The following CAMTA1 variants were observed in gnomAD, a reference collection of about 807,000 sequenced individuals.
The protein encoded by CAMTA1 is calmodulin-binding transcription activator 1.
CAMTA1 carries 27 observed loss-of-function variants against 170.9 expected under a neutral mutation model. That is an observed-to-expected ratio of 0.16 (90% CI 0.12 to 0.22). The LOEUF (loss-of-function observed/expected upper bound fraction) is 0.22, where lower values mean the gene tolerates loss of function less well. Ranked by LOEUF, CAMTA1 falls within the 10% of genes least tolerant of loss-of-function variation. The probability of loss-of-function intolerance (pLI) is 1.00; values close to 1 mark genes in which losing one functional copy is unlikely to be tolerated. For missense variants in CAMTA1, 1,619 were observed against 2,217.2 expected (o/e 0.73, Z 5.42); for synonymous variants, 833 against 891.5 (o/e 0.93, Z 1.17).
At chr1:7,403,381 A>T (rs2090052881) in intron 5 of CAMTA1, among the ~76,000 whole-genome samples, 1 of 152,088 alleles carries the variant, frequency 6.6e-6, no homozygotes, top group East Asian at 1.9e-4. Flanking sequence ...ATTAATCCCC[A>T]AGCAGCTCAT....
At chr1:6,882,639 A>G (rs930210227) in intron 3 of CAMTA1, among the ~76,000 whole-genome samples, 1 of 152,158 alleles carries the variant, frequency 6.6e-6, no homozygotes, top group Non-Finnish European at 1.5e-5. Context: ...CTGTAAGATC[A>G]GGTGGAGATG....
intron 3 of CAMTA1, among the ~76,000 whole-genome samples, chr1:7,080,973 G>A (rs1298474573): frequency 6.6e-6 from 1 of 152,216 alleles, no homozygotes; most frequent in African/African-American, 2.4e-5. Flanking sequence ...ATAAGGACTA[G>A]AAGACCCTTC....
chr1:7,274,804 A>G (rs1670341746), intron 5 of CAMTA1, among the ~76,000 whole-genome samples: 1 of 152,212 alleles, frequency 6.6e-6, no homozygotes, highest in Non-Finnish European at 1.5e-5. Context: ...TGGAAATTAC[A>G]CAACATACTG....
intron 5 of CAMTA1, among the ~76,000 whole-genome samples, chr1:7,402,550 A>G (rs1293826510): frequency 6.6e-6 from 1 of 152,160 alleles, no homozygotes; most frequent in Non-Finnish European, 1.5e-5. Flanking sequence ...AGGGCCCATT[A>G]TATGCTGCAG....
intron 6 of CAMTA1, among the ~76,000 whole-genome samples, chr1:7,614,576 G>A (rs1194333764): frequency 6.6e-6 from 1 of 152,132 alleles, no homozygotes; most frequent in Non-Finnish European, 1.5e-5. Flanking sequence ...GCTCCCCAAA[G>A]CCACCACTTA....
chr1:7,422,376 C>T (rs1205130799), intron 5 of CAMTA1, among the ~76,000 whole-genome samples: 4 of 152,044 alleles, frequency 2.6e-5, no homozygotes, highest in Non-Finnish European at 4.4e-5. Flanking sequence ...ACCAGGGAAG[C>T]CACCCTGGAG....
chr1:7,751,469 G>A (rs905549953), intron 20 of CAMTA1, 77 bp downstream of exon 20: 1 of 1,327,720 alleles, frequency 7.5e-7, no homozygotes. Context: ...CTTGTCCTGG[G>A]CTGACATTGG....
At chr1:7,395,991 A>G (rs1442418766) in intron 5 of CAMTA1, among the ~76,000 whole-genome samples, 1 of 152,162 alleles carries the variant, frequency 6.6e-6, no homozygotes, top group Admixed American at 6.5e-5. Flanking sequence ...TTCTTTATAT[A>G]AGATCATGTC....
chr1:7,563,530 A>T (rs2094991202), intron 6 of CAMTA1, among the ~76,000 whole-genome samples: 1 of 152,184 alleles, frequency 6.6e-6, no homozygotes, highest in Non-Finnish European at 1.5e-5. Context: ...GAGTGGGCCC[A>T]GCTGTAGCAA....
intron 2 of CAMTA1, among the ~76,000 whole-genome samples, chr1:6,820,530 C>T (rs1004438509): frequency 3.3e-5 from 5 of 152,184 alleles, no homozygotes; most frequent in African/African-American, 1.2e-4. Context: ...TACAACACTT[C>T]TGTAATTCTA....
At chr1:7,524,313 C>T (rs888164612) in intron 6 of CAMTA1, among the ~76,000 whole-genome samples, 12 of 152,122 alleles carry the variant, frequency 7.9e-5, no homozygotes, top group Non-Finnish European at 1.6e-4. Flanking sequence ...GAAATGCAAT[C>T]AATTTTTCTG....
intron 4 of CAMTA1, among the ~76,000 whole-genome samples, chr1:7,138,356 A>G (rs1025545012): frequency 1.3e-5 from 2 of 152,224 alleles, no homozygotes; most frequent in South Asian, 2.1e-4. Context: ...ATACCCTGCC[A>G]CAGTGTAGCA....
chr1:7,313,518 G>T (rs1368511027), intron 5 of CAMTA1, among the ~76,000 whole-genome samples: 1 of 152,096 alleles, frequency 6.6e-6, no homozygotes, highest in Non-Finnish European at 1.5e-5. Context: ...TATTGCATTG[G>T]TCGGCCCTTC....
At chr1:7,285,082 C>G (rs1259412727) in intron 5 of CAMTA1, among the ~76,000 whole-genome samples, 1 of 152,190 alleles carries the variant, frequency 6.6e-6, no homozygotes, top group African/African-American at 2.4e-5. Context: ...GTCCGGCGGC[C>G]CCAGTGGCCA....
At chr1:7,103,570 ACAAC>A (rs1643073670) in intron 4 of CAMTA1, among the ~76,000 whole-genome samples, 1 of 132,234 alleles carries the variant, frequency 7.6e-6, no homozygotes, top group Non-Finnish European at 1.7e-5. Flanking sequence ...TACACACAAC[ACAAC>A]TACACACATG....
chr1:7,214,911 A>G (rs1253796571), intron 4 of CAMTA1, among the ~76,000 whole-genome samples: 2 of 151,140 alleles, frequency 1.3e-5, no homozygotes, highest in African/African-American at 4.9e-5. Flanking sequence ...CCAATTGTTG[A>G]AAAGGCTATC....
At chr1:7,061,040 C>T (rs1004925396) in intron 3 of CAMTA1, among the ~76,000 whole-genome samples, 3 of 152,100 alleles carry the variant, frequency 2.0e-5, no homozygotes, top group African/African-American at 4.8e-5. Flanking sequence ...TTCATGAGGT[C>T]GCTGAAGCTG....
rs144736537 is a variant in CAMTA1, at chr1:6,927,390, G to A, written c.234+102180G>A. 4.6e-3 allele frequency among the ~76,000 whole-genome samples: 696 copies of A among 152,278 alleles called. 8 individuals are homozygous for A. The highest frequency in any genetic ancestry group is 0.016 in the African/African-American group (679 of 41,554). ...GCCAAAATAAATATCTAACAGTTCC[G>A]TTTATTAAGTAGTTAGATATAAACA... On this transcript the variant is annotated intron_variant, in intron 3 of 22. Coordinates refer to ENST00000303635, the MANE Select transcript of CAMTA1 (RefSeq NM_015215.4).
intron 5 of CAMTA1, among the ~76,000 whole-genome samples, chr1:7,255,893 T>A (rs146731631): frequency 1.5e-3 from 235 of 152,176 alleles, no homozygotes; most frequent in Non-Finnish European, 2.6e-3. Context: ...TGAACCTAGG[T>A]CTTTGGTTTC....
Sources: gnomAD v4.1 joint callset for allele counts (sites outside exome capture counted in the v4.1 genomes callset) on GRCh38, gnomAD v4.1.1 for gene constraint, MANE v1.5 for transcripts, NCBI Gene and HGNC (gene_info 2026-07-23, HGNC 2026-07-21) for gene names.